CYFIP1: variants seen among roughly 807,000 people sequenced by gnomAD.
The protein encoded by CYFIP1 is cytoplasmic FMR1 interacting protein 1.
In CYFIP1, 58 loss-of-function variants were observed where a neutral mutation model predicts 163.5. The ratio of observed to expected loss-of-function variants is 0.35; its 90% CI spans 0.29 to 0.44. The LOEUF (loss-of-function observed/expected upper bound fraction) is 0.44, where lower values mean the gene tolerates loss of function less well. CYFIP1 is among the 20% of genes least tolerant of loss of function. The pLI is 1.00. For synonymous variants in CYFIP1, 663 were observed against 660.7 expected, an observed-to-expected ratio of 1.00 and a Z score of -0.05; for missense variants, 1,338 against 1,653.8, an observed-to-expected ratio of 0.81 and a Z score of 3.31.
rs1288252121 is a variant in CYFIP1, at chr15:22,900,417, G to C, written c.2588+3289C>G. Among the ~76,000 whole-genome samples, 4 of 75,828 alleles carry C rather than the reference G, an allele frequency of 5.3e-5. No individual in the cohort carries two copies. The South Asian group carries it at 1.8e-3, about 34-fold the overall frequency. The allele number at this position is 75,828 out of a possible 152,430, so 49.7% of individuals were successfully genotyped here. A position where few individuals can be genotyped will look rare whatever the true frequency, so the allele number is the denominator to read the frequency against. On this transcript the variant is annotated intron_variant, in intron 22 of 30. Transcript: ENST00000617928. ...TTCTGTTCTTTTTTTTTTTTTTTTT[G>C]AGACGGAGTCTCACTCTGTCGCCCA...
chr15:22,871,917 A>G (rs1412404839), intron 30 of CYFIP1, among the ~76,000 whole-genome samples: 1 of 151,650 alleles, frequency 6.6e-6, no homozygotes, highest in African/African-American at 2.4e-5. Context: ...GAACTCAGGC[A>G]TCTGACTTAG....
intron 24 of CYFIP1, 43 bp from the exon 25 acceptor site, chr15:22,881,979 G>A (rs967422388): frequency 8.3e-6 from 13 of 1,565,324 alleles, no homozygotes; most frequent in Middle Eastern, 1.7e-4. Flanking sequence ...ACCCCACTCC[G>A]CTCTGCTAAC....
intron 3 of CYFIP1, 122 bp downstream of exon 3, chr15:22,946,881 C>A: frequency 1.2e-6 from 1 of 831,704 alleles, no homozygotes; most frequent in Non-Finnish European, 2.1e-6. Flanking sequence ...TAAGGCATTT[C>A]ATTCATTTTC....
intron 1 of CYFIP1, among the ~76,000 whole-genome samples, chr15:22,957,585 G>A (rs375397083): frequency 9.2e-5 from 14 of 152,160 alleles, no homozygotes; most frequent in East Asian, 3.9e-4. Context: ...GCAGTGAGCC[G>A]AGATCGTGTC....
At chr15:22,901,055 T>C (rs2060378702) in intron 22 of CYFIP1, among the ~76,000 whole-genome samples, 1 of 151,530 alleles carries the variant, frequency 6.6e-6, no homozygotes, top group Non-Finnish European at 1.5e-5. Flanking sequence ...TTATAAAAAT[T>C]AGCCAGGCAT....
intron 23 of CYFIP1, among the ~76,000 whole-genome samples, chr15:22,890,567 T>C (rs934815308): frequency 6.6e-6 from 1 of 152,172 alleles, no homozygotes; most frequent in Admixed American, 6.5e-5. Flanking sequence ...CACAGCCACA[T>C]GAAGCCCAGA....
chr15:22,978,389 C>T (rs1354902165), intron 1 of CYFIP1, among the ~76,000 whole-genome samples: 1 of 117,924 alleles, frequency 8.5e-6, no homozygotes, highest in Non-Finnish European at 1.7e-5. Flanking sequence ...AAAAGGAATA[C>T]TATACGGTTA....
chr15:22,913,978 C>T (rs556392153), intron 17 of CYFIP1, among the ~76,000 whole-genome samples: 57 of 152,328 alleles, frequency 3.7e-4, no homozygotes, highest in Admixed American at 2.7e-3. Context: ...GAAGACAGAC[C>T]GGCTGGGCGG....
rs557527697 is a variant in CYFIP1 at position 22,962,886 on chromosome 15, C to A, written c.-6-15595G>T. Among the ~76,000 whole-genome samples, 37 of 152,308 alleles carry A rather than the reference C, an allele frequency of 2.4e-4. No homozygotes were observed. The South Asian group carries it at 7.5e-3, about 31-fold the overall frequency. On this transcript the variant is annotated intron_variant, in intron 1 of 30. Transcript: ENST00000617928. ...TGTGCGTGCTATTCCACCCAACCAACAAACCAGGCTACATGTCCTGTCTCC... is the reference window on the plus strand; with the variant it reads ...TGTGCGTGCTATTCCACCCAACCAAAAAACCAGGCTACATGTCCTGTCTCC...
Position 22,944,876 on chromosome 15 carries a change from G to A in CYFIP1, c.271C>T (p.Arg91Trp), listed in dbSNP as rs763483043. 5 of 1,613,976 alleles carry A rather than the reference G, an allele frequency of 3.1e-6. No individual in the cohort carries two copies. Among genetic ancestry groups the A allele is most frequent in the Non-Finnish European group, 4.2e-6 (5 of 1,179,982 alleles). The change falls in exon 4 of 31, where the codon CGG (arginine) becomes TGG (tryptophan). Residue 91 changes from arginine (R) to tryptophan (W), a missense_variant. Arg to Trp is a moderately radical substitution (Grantham distance 101). This residue lies in a region of CYFIP1 where 186 missense variants were observed against 288.3 expected (regional missense o/e 0.65). Coordinates refer to ENST00000617928, the MANE Select transcript of CYFIP1 (RefSeq NM_014608.6). The part of the protein sequence containing the change: ...VMLYTWRSCS[R>W]AIPQVKCNEQ... ...GAGCGTGGCACCTGTGGGATGGCCC[G>A]GGAGCAGCTCCTCCAGGTGTACAGC...
At position 22,885,058 on chromosome 15, in the gene CYFIP1, G is replaced by C. The variant is rs951950198; in HGVS notation, c.2677-2047C>G. ...ACCATTTTTCCCTCCTAGGCCTCTG[G>C]GTTTATGATGGGAGGGGCTGCCTCG... On this transcript the variant is annotated intron_variant, in intron 23 of 30. Transcript: ENST00000617928. Among the ~76,000 whole-genome samples, 4 of 152,064 alleles carry C rather than the reference G, an allele frequency of 2.6e-5. No individual in the cohort carries two copies. In the South Asian group the frequency reaches 6.2e-4, roughly 24 times the overall value.
chr15:22,901,610 C>T (rs1317228598), intron 22 of CYFIP1, among the ~76,000 whole-genome samples: 4 of 152,226 alleles, frequency 2.6e-5, no homozygotes, highest in Non-Finnish European at 5.9e-5. Flanking sequence ...CATTTACCCA[C>T]TGTACAGGTT....
intron 1 of CYFIP1, among the ~76,000 whole-genome samples, chr15:22,966,244 C>T (rs2062900094): frequency 6.6e-6 from 1 of 151,612 alleles, no homozygotes; most frequent in Non-Finnish European, 1.5e-5. Context: ...ATCCCAGCTA[C>T]ACACTGAAAT....
chr15:22,900,491 C>T (rs1595550118), intron 22 of CYFIP1, among the ~76,000 whole-genome samples: 1 of 151,402 alleles, frequency 6.6e-6, no homozygotes, highest in African/African-American at 2.4e-5. Flanking sequence ...CTCCGCTGCC[C>T]GGGTTCACGC....
Position 22,910,826 on chromosome 15 carries a change from A to C in CYFIP1, c.2083-13T>G. 6.2e-7 allele frequency: 1 copy of C among 1,608,528 alleles called. No individual in the cohort carries two copies. The highest frequency in any genetic ancestry group is 1.1e-5 in the South Asian group (1 of 90,728). On this transcript the variant is annotated splice_polypyrimidine_tract_variant and intron_variant, in intron 18 of 30. Transcript: ENST00000617928. ...AACATAGATTCACCTGAAGAAAAAGAAAGCACACGTTACAGTTTGATTCCC... is the reference window on the plus strand; with the variant it reads ...AACATAGATTCACCTGAAGAAAAAGCAAGCACACGTTACAGTTTGATTCCC...
intron 1 of CYFIP1, among the ~76,000 whole-genome samples, chr15:22,975,483 G>T (rs113798375): frequency 6.8e-6 from 1 of 147,760 alleles, no homozygotes; most frequent in Non-Finnish European, 1.5e-5. Flanking sequence ...GGCCAGGCTC[G>T]GTGGCTAACG....
chr15:22,970,033 C>T (rs1056826808), intron 1 of CYFIP1, among the ~76,000 whole-genome samples: 11 of 152,004 alleles, frequency 7.2e-5, no homozygotes, highest in Admixed American at 2.0e-4. Context: ...AGCTAATAAA[C>T]GAATTCAGGG....
chr15:22,951,487 G>A (rs749299078), intron 1 of CYFIP1: 25 of 1,288,870 alleles, frequency 1.9e-5, no homozygotes, highest in Admixed American at 1.1e-4. Context: ...GCTCGGAGGG[G>A]CCAGGCTGCC....
intron 1 of CYFIP1, among the ~76,000 whole-genome samples, 192 bp downstream of exon 1, chr15:22,980,095 G>C (rs2063426907): frequency 6.7e-6 from 1 of 150,328 alleles, no homozygotes; most frequent in African/African-American, 2.4e-5. Flanking sequence ...GGAGCCCGGG[G>C]CCGGGACCTG....
Sources: allele counts gnomAD v4.1 joint callset (sites outside exome capture counted in the v4.1 genomes callset), GRCh38; gene constraint gnomAD v4.1.1; regional missense constraint gnomAD v4.1.1; transcripts MANE v1.5; gene names NCBI Gene and HGNC (gene_info 2026-07-23, HGNC 2026-07-21).